MEF2D: variants seen among roughly 807,000 people sequenced by gnomAD.
MEF2D encodes the protein myocyte enhancer factor 2D.
Under a neutral mutation model 59.3 loss-of-function variants are expected in MEF2D, and 10 were observed. That is an observed-to-expected ratio of 0.17 (90% CI 0.10 to 0.29). The LOEUF (loss-of-function observed/expected upper bound fraction) is 0.29, where lower values mean the gene tolerates loss of function less well. Ranked by LOEUF, MEF2D falls within the 10% of genes least tolerant of loss-of-function variation. The pLI, the probability that MEF2D is intolerant of heterozygous loss-of-function variation, is 1.00. For missense variants in MEF2D, 508 were observed against 699.4 expected (o/e 0.73, Z 3.09); for synonymous variants, 305 against 295.0 (o/e 1.03, Z -0.35).
At chr1:156,483,502 C>A (rs1381188667) in intron 1 of MEF2D, 72 bp from the exon 2 acceptor site, 2 of 577,016 alleles carry the variant, frequency 3.5e-6, no homozygotes, top group Non-Finnish European at 3.1e-6. Context: ...GCACACAGGC[C>A]AGACTCACAG....
intron 8 of MEF2D, 114 bp from the exon 9 acceptor site, chr1:156,475,351 C>T: frequency 3.0e-6 from 4 of 1,332,184 alleles, no homozygotes; most frequent in Non-Finnish European, 4.0e-6. Flanking sequence ...GGCGGGGTGC[C>T]TTAGCACGGA....
Position 156,468,318 on chromosome 1 carries a change from A to C in MEF2D, c.1248-19T>G. 2.0e-6 allele frequency: 3 copies of C among 1,530,020 alleles called. No homozygotes were observed. Among genetic ancestry groups the C allele is most frequent in the Non-Finnish European group, 2.6e-6 (3 of 1,137,274 alleles). The allele number at this position is 1,530,020 out of a possible 1,614,324, so 94.8% of individuals were successfully genotyped here. On this transcript the variant is annotated intron_variant, in intron 10 of 11. Coordinates refer to ENST00000348159, the MANE Select transcript of MEF2D (RefSeq NM_005920.4). This position sits in a 1 kb window ranked among gnomAD's most constrained non-coding sequence, Gnocchi z 4.3. ...GCCCGGGCTGGAGGCAGGCAATGGA[A>C]ATGGGGTACAAGGGATAAAAACAGA...
chr1:156,483,523 A>T (rs781536380), intron 1 of MEF2D, 93 bp from the exon 2 acceptor site: 24 of 571,702 alleles, frequency 4.2e-5, no homozygotes, highest in Non-Finnish European at 7.2e-5. Flanking sequence ...CGCCCCTGTG[A>T]GAGGCTGGCA....
Position 156,468,697 on chromosome 1 carries a change from G to T in MEF2D, c.1247+83C>A. ...AGGATGTCCACTAGAACCCTGCAGG[G>T]AACCCAGCTCCCAAGAGGTCCCTCC... is the stretch of plus-strand genomic sequence containing the variant. On this transcript the variant is annotated intron_variant, in intron 10 of 11. Transcript: ENST00000348159. This position sits in a 1 kb window ranked among gnomAD's most constrained non-coding sequence, Gnocchi z 4.3. 1 of 1,552,914 alleles carries T rather than the reference G, an allele frequency of 6.4e-7. No individual in the cohort carries two copies. The highest frequency in any genetic ancestry group is 2.3e-5 in the East Asian group (1 of 44,214).
chr1:156,474,018 T>G (rs1671409246), intron 9 of MEF2D, among the ~76,000 whole-genome samples: 1 of 152,194 alleles, frequency 6.6e-6, no homozygotes, highest in Admixed American at 6.5e-5. Context: ...TTTTCTGAAC[T>G]GACCACGTCC....
chr1:156,496,907 G>A (rs1342442), intron 1 of MEF2D, among the ~76,000 whole-genome samples: 83,864 of 152,082 alleles, frequency 0.55, 25,029 homozygotes, highest in East Asian at 0.73. Context: ...TCAGCCATAA[G>A]CAGGGAGAGG....
Position 156,468,752 on chromosome 1 carries a change from A to G in MEF2D, c.1247+28T>C, listed in dbSNP as rs577022807. The G allele has an allele frequency of 2.6e-5, 42 of 1,594,192 alleles. No homozygotes were observed. Among genetic ancestry groups the G allele is most frequent in the East Asian group, 4.5e-5 (2 of 44,342 alleles). On this transcript the variant is annotated intron_variant, in intron 10 of 11. Transcript: ENST00000348159. This position sits in a 1 kb window ranked among gnomAD's most constrained non-coding sequence, Gnocchi z 4.3. Reference sequence around the variant, plus strand: ...CCCGTTCAATTCTCCCTTCCCACACACTCACATGCAGTCTCCCCAGGACTC... The same window carrying G: ...CCCGTTCAATTCTCCCTTCCCACACGCTCACATGCAGTCTCCCCAGGACTC...
In MEF2D at chr1:156,469,881, G is replaced by GA. The variant is rs1026535455; in HGVS notation, c.1007-862dup. ...AGCCTGTGGGATCTTGTCTCAAAAAGAAAAAAAAAATCATGTGTAGGTATC... is the reference window on the plus strand; with the variant it reads ...AGCCTGTGGGATCTTGTCTCAAAAAGAAAAAAAAAAATCATGTGTAGGTATC... On this transcript the variant is annotated intron_variant, in intron 9 of 11. Transcript: ENST00000348159. 1.7e-4 allele frequency among the ~76,000 whole-genome samples: 25 copies of GA among 146,524 alleles called. No homozygotes were observed. The East Asian group carries it at 2.6e-3, about 15-fold the overall frequency.
chr1:156,483,265 G>A lies in MEF2D; in HGVS notation c.28C>T (p.Arg10Ter). 1 of 1,614,072 alleles carries A rather than the reference G, an allele frequency of 6.2e-7. No individual in the cohort carries two copies. The highest frequency in any genetic ancestry group is 8.5e-7 in the Non-Finnish European group (1 of 1,179,990). Reference protein sequence around the residue: MGRKKIQIQRITDERNRQVT... With the variant: MGRKKIQIQ ...TGTCGGTTCCGCTCGTCGGTGATTC[G>A]CTGGATCTGAATCTTTTTCCTCCCC... The change falls in exon 2 of 12, where the codon CGA (arginine) becomes TGA (stop). Residue 10 changes from arginine to a stop codon, truncating the protein, a stop_gained. Transcript: ENST00000348159. LOFTEE classifies it high-confidence loss of function.
At chr1:156,471,139 T>C (rs972152548) in intron 9 of MEF2D, among the ~76,000 whole-genome samples, 8 of 152,112 alleles carry the variant, frequency 5.3e-5, no homozygotes, top group African/African-American at 1.9e-4. Context: ...CATTGCAGCC[T>C]CCACCTCCCA....
intron 1 of MEF2D, among the ~76,000 whole-genome samples, chr1:156,492,044 G>A (rs1214589860): frequency 1.3e-5 from 2 of 152,258 alleles, no homozygotes; most frequent in African/African-American, 2.4e-5. Flanking sequence ...GGGAAGGGGT[G>A]TGAAATCACG....
chr1:156,473,635 C>G (rs16837417), intron 9 of MEF2D, among the ~76,000 whole-genome samples: 1,541 of 152,318 alleles, frequency 0.01, 30 homozygotes, highest in African/African-American at 0.035. Flanking sequence ...CTGAGAGTAT[C>G]ACAGACTGTT....
chr1:156,487,368 C>T (rs1254022781), intron 1 of MEF2D, among the ~76,000 whole-genome samples: 1 of 152,234 alleles, frequency 6.6e-6, no homozygotes, highest in Admixed American at 6.5e-5. Flanking sequence ...GCTTCCCAGG[C>T]CCCTTTCCCC....
At chr1:156,492,127 T>C (rs1571268048) in intron 1 of MEF2D, among the ~76,000 whole-genome samples, 1 of 152,384 alleles carries the variant, frequency 6.6e-6, no homozygotes, top group Non-Finnish European at 1.5e-5. Context: ...TGTCACTGCC[T>C]TGGGGCGTCA....
At chr1:156,487,676 A>G (rs1672460209) in intron 1 of MEF2D, among the ~76,000 whole-genome samples, 1 of 152,028 alleles carries the variant, frequency 6.6e-6, no homozygotes, top group South Asian at 2.1e-4. Flanking sequence ...CTTCCCTCCT[A>G]CCCAATTAGG....
At chr1:156,485,431 C>T (rs994883380) in intron 1 of MEF2D, among the ~76,000 whole-genome samples, 2 of 151,614 alleles carry the variant, frequency 1.3e-5, no homozygotes, top group Admixed American at 6.6e-5. Context: ...CCCAGCCTAG[C>T]TGGAGAGCTT....
At chr1:156,498,597 TCCCCCCTC>T (rs930654353) in intron 1 of MEF2D, among the ~76,000 whole-genome samples, 66 of 149,956 alleles carry the variant, frequency 4.4e-4, no homozygotes, top group African/African-American at 1.5e-3. Context: ...CTTCCTCCCT[TCCCCCCTC>T]CCCCCCTTCC....
At chr1:156,499,967 CA>C (rs1372464060) in intron 1 of MEF2D, among the ~76,000 whole-genome samples, 1 of 151,954 alleles carries the variant, frequency 6.6e-6, no homozygotes, top group Non-Finnish European at 1.5e-5. Context: ...CCCCGCTTCC[CA>C]AACAGCTGCG....
intron 6 of MEF2D, among the ~76,000 whole-genome samples, chr1:156,477,860 A>G (rs1246299373): frequency 6.6e-6 from 1 of 152,264 alleles, no homozygotes; most frequent in Non-Finnish European, 1.5e-5. Context: ...AGCCACCACC[A>G]TAATTAGCCT....
Sources: gnomAD v4.1 joint callset for allele counts (sites outside exome capture counted in the v4.1 genomes callset) on GRCh38, gnomAD v4.1.1 for gene constraint, Gnocchi (gnomAD v3.1) non-coding constraint, MANE v1.5 for transcripts, NCBI Gene and HGNC (gene_info 2026-07-23, HGNC 2026-07-21) for gene names.